SUPT3H: variants seen among roughly 807,000 people sequenced by gnomAD.
SUPT3H encodes the protein SPT3 homolog, SAGA and STAGA complex component, also known as transcription initiation protein SPT3 homolog.
Under a neutral mutation model 44.3 loss-of-function variants are expected in SUPT3H, and 44 were observed. That is an observed-to-expected ratio of 0.99 (90% CI 0.78 to 1.28). The LOEUF is 1.28. SUPT3H is among the 50% of genes most tolerant of loss of function. SUPT3H has a pLI of 0.00. For missense variants in SUPT3H, 380 were observed against 387.1 expected (o/e 0.98, Z 0.15); for synonymous variants, 124 against 125.6 (o/e 0.99, Z 0.09).
At chr6:44,819,560 G>T (rs748167502) in intron 11 of SUPT3H, among the ~76,000 whole-genome samples, 17 of 151,222 alleles carry the variant, frequency 1.1e-4, no homozygotes, top group Non-Finnish European at 5.9e-5. Flanking sequence ...GGGAGGCTGA[G>T]GCAGGAGGAC....
intron 2 of SUPT3H, among the ~76,000 whole-genome samples, chr6:45,192,691 C>T (rs1035552169): frequency 2.0e-5 from 3 of 151,976 alleles, no homozygotes; most frequent in Non-Finnish European, 2.9e-5. Flanking sequence ...CTTAATATTT[C>T]GAATCAAAGC....
intron 7 of SUPT3H, among the ~76,000 whole-genome samples, chr6:44,961,423 A>G (rs1248792435): frequency 7.9e-5 from 12 of 152,194 alleles, no homozygotes; most frequent in Non-Finnish European, 1.0e-4. Flanking sequence ...CAGAAATACT[A>G]GTGTAAATAT....
intron 5 of SUPT3H, among the ~76,000 whole-genome samples, chr6:45,010,998 T>C (rs577601890): frequency 7.2e-5 from 11 of 152,294 alleles, no homozygotes; most frequent in African/African-American, 2.6e-4. Context: ...TCCTTTATTC[T>C]GTTAATTTGA....
intron 5 of SUPT3H, among the ~76,000 whole-genome samples, chr6:45,008,600 C>T (rs113048680): frequency 4.5e-4 from 68 of 152,152 alleles, no homozygotes; most frequent in African/African-American, 1.6e-3. Flanking sequence ...AGTGATCCTC[C>T]TGCCTCAGCC....
chr6:45,005,546 C>G (rs1782593904), intron 5 of SUPT3H, among the ~76,000 whole-genome samples: 1 of 151,862 alleles, frequency 6.6e-6, no homozygotes, highest in South Asian at 2.1e-4. Flanking sequence ...TTGAGACCAG[C>G]CTGACCAACA....
At chr6:45,265,843 A>G (rs62400293) in intron 2 of SUPT3H, among the ~76,000 whole-genome samples, 2 of 151,918 alleles carry the variant, frequency 1.3e-5, no homozygotes, top group African/African-American at 4.8e-5. Flanking sequence ...TAAAGTAGTT[A>G]AAAAGATCAC....
chr6:44,824,543 T>G (rs955392235), downstream of SUPT3H, among the ~76,000 whole-genome samples: 8 of 152,042 alleles, frequency 5.3e-5, no homozygotes. Flanking sequence ...GTGCAGTTAT[T>G]TGGAATCTTA....
intron 2 of SUPT3H, among the ~76,000 whole-genome samples, chr6:45,184,009 G>T (rs1164293453): frequency 6.6e-6 from 1 of 152,092 alleles, no homozygotes; most frequent in African/African-American, 2.4e-5. Flanking sequence ...TACTGTAATG[G>T]TGCATACATG....
chr6:44,999,523 C>T (rs143509631), intron 6 of SUPT3H, among the ~76,000 whole-genome samples: 1 of 152,024 alleles, frequency 6.6e-6, no homozygotes, highest in South Asian at 2.1e-4. Context: ...CAGATGGAGG[C>T]TACAGCCCCA....
At chr6:44,933,723 A>C (rs1770959949) in intron 9 of SUPT3H, among the ~76,000 whole-genome samples, 1 of 152,230 alleles carries the variant, frequency 6.6e-6, no homozygotes, top group African/African-American at 2.4e-5. Context: ...AGCTCACTGA[A>C]GCCTCAAACT....
chr6:44,968,535 C>T lies in SUPT3H; in HGVS notation c.505-6707G>A, dbSNP rs142117897. 3.1e-3 allele frequency among the ~76,000 whole-genome samples: 476 copies of T among 152,162 alleles called. 10 individuals carry two copies. The highest frequency in any genetic ancestry group is 0.027 in the Admixed American group (417 of 15,288). On this transcript the variant is annotated intron_variant, in intron 6 of 10. Coordinates refer to ENST00000371459, the MANE Select transcript of SUPT3H (RefSeq NM_003599.4). ...CTGGGTCAGTTTGTAATTTGGTAGA[C>T]TCCTTACCCAAAAGCTAAGTAAGCC...
chr6:44,841,218 T>C (rs920373707), intron 10 of SUPT3H, among the ~76,000 whole-genome samples: 4 of 152,244 alleles, frequency 2.6e-5, no homozygotes, highest in African/African-American at 4.8e-5. Context: ...TTATTATTAG[T>C]TGTTATATGA....
rs116802862 is a variant in SUPT3H, at chr6:45,258,762, G to A, written c.101+106439C>T. ...ATTAAGTAAAAAAATTTATTTGCAC[G>A]TTTCCTAATCTTTGAAAACTTGAGT... On this transcript the variant is annotated intron_variant, in intron 2 of 10. Coordinates refer to ENST00000371459, the MANE Select transcript of SUPT3H (RefSeq NM_003599.4). Among the ~76,000 whole-genome samples the A allele has an allele frequency of 2.6e-3, 397 of 152,162 alleles. 3 individuals are homozygous for A. Among genetic ancestry groups the A allele is most frequent in the African/African-American group, 8.6e-3 (357 of 41,532 alleles).
chr6:45,271,724 T>C (rs916744969), intron 2 of SUPT3H, among the ~76,000 whole-genome samples: 1 of 152,172 alleles, frequency 6.6e-6, no homozygotes, highest in African/African-American at 2.4e-5. Context: ...AGGGCCACCA[T>C]CCTCTAGACC....
chr6:45,200,127 A>C (rs914599535), intron 2 of SUPT3H, among the ~76,000 whole-genome samples: 4 of 151,578 alleles, frequency 2.6e-5, no homozygotes, highest in Non-Finnish European at 5.9e-5. Context: ...AAATGATGAA[A>C]GAAAAACATT....
chr6:45,162,548 T>C (rs1263859960), intron 2 of SUPT3H, among the ~76,000 whole-genome samples: 3 of 152,112 alleles, frequency 2.0e-5, no homozygotes, highest in South Asian at 2.1e-4. Flanking sequence ...AAACATTATA[T>C]ACAAATTAAA....
At chr6:45,150,728 T>TTC (rs1482434182) in intron 2 of SUPT3H, among the ~76,000 whole-genome samples, 1 of 140,646 alleles carries the variant, frequency 7.1e-6, no homozygotes, top group Non-Finnish European at 1.6e-5. Flanking sequence ...GCGTTTTTTT[T>TTC]TTTTTTTTTT....
intron 6 of SUPT3H, among the ~76,000 whole-genome samples, chr6:44,973,818 A>C (rs1777931347): frequency 6.6e-6 from 1 of 152,184 alleles, no homozygotes; most frequent in Non-Finnish European, 1.5e-5. Flanking sequence ...ACATGGTGGC[A>C]GCAAAGAGGA....
chr6:44,881,990 A>C (rs543143862), intron 10 of SUPT3H, among the ~76,000 whole-genome samples: 20 of 152,186 alleles, frequency 1.3e-4, no homozygotes, highest in Non-Finnish European at 2.4e-4. Context: ...GAGAAGCAAG[A>C]GCAAACACAT....
Sources: gnomAD v4.1 joint callset for allele counts (sites outside exome capture counted in the v4.1 genomes callset) on GRCh38, gnomAD v4.1.1 for gene constraint, MANE v1.5 for transcripts, NCBI Gene and HGNC (gene_info 2026-07-23, HGNC 2026-07-21) for gene names.